Variants in KLHL20 observed in about 807,000 individuals in gnomAD.
KLHL20 encodes kelch-like protein 20.
A neutral mutation model predicts 69.5 loss-of-function variants in KLHL20; 29 were observed. The ratio of observed to expected loss-of-function variants is 0.42; its 90% CI spans 0.31 to 0.57. The LOEUF is 0.57. Ranked by LOEUF, KLHL20 falls within the 20% of genes least tolerant of loss-of-function variation. KLHL20 has a pLI of 0.18. For synonymous variants in KLHL20, 253 were observed against 265.2 expected (o/e 0.95, Z 0.45); for missense variants, 419 against 776.0 (o/e 0.54, Z 5.47).
At chr1:173,716,245 G>A (rs577335045) in intron 2 of KLHL20, among the ~76,000 whole-genome samples, 179 bp downstream of exon 2, 11 of 152,234 alleles carry the variant, frequency 7.2e-5, no homozygotes, top group African/African-American at 2.4e-4. Flanking sequence ...ATAAAATACA[G>A]AAGTTGTTTC....
chr1:173,749,150 T>C (rs1041003034), intron 3 of KLHL20, among the ~76,000 whole-genome samples: 3 of 152,224 alleles, frequency 2.0e-5, no homozygotes, highest in African/African-American at 4.8e-5. Context: ...ATTTTTGAAC[T>C]TAATCAAATC....
At chr1:173,736,661 T>C (rs1672550052) in intron 3 of KLHL20, among the ~76,000 whole-genome samples, 1 of 151,946 alleles carries the variant, frequency 6.6e-6, no homozygotes, top group Admixed American at 6.6e-5. Flanking sequence ...AGTGGCATGA[T>C]CTCGGCTCAC....
At chr1:173,767,267 C>A (rs1381296041) in intron 8 of KLHL20, among the ~76,000 whole-genome samples, 2 of 152,114 alleles carry the variant, frequency 1.3e-5, no homozygotes, top group African/African-American at 2.4e-5. Flanking sequence ...TTCATATATG[C>A]CACATTTTCT....
chr1:173,734,422 C>G (rs1404672010), intron 3 of KLHL20, 136 bp downstream of exon 3: 7 of 793,436 alleles, frequency 8.8e-6, no homozygotes, highest in Non-Finnish European at 1.5e-5. Context: ...TATTATAAAT[C>G]CTAAACCTGG....
At chr1:173,742,732 A>T (rs1672872494) in intron 3 of KLHL20, among the ~76,000 whole-genome samples, 1 of 150,994 alleles carries the variant, frequency 6.6e-6, no homozygotes, top group Non-Finnish European at 1.5e-5. Context: ...ATGTATATAC[A>T]TGTGTGTATA....
At position 173,751,767 on chromosome 1, in the gene KLHL20, A is replaced by G. The variant is rs756649898; in HGVS notation, c.601A>G (p.Met201Val). 1.9e-6 allele frequency: 3 copies of G among 1,613,988 alleles called. No individual in the cohort carries two copies. In the Admixed American group the frequency reaches 5.0e-5, roughly 27 times the overall value. The change falls in exon 4 of 12, where the codon ATG becomes GTG. Residue 201 changes from methionine (M) to valine (V), a missense_variant. Around this residue, in one of 6 missense-constraint regions of KLHL20, gnomAD observed 99 missense variants for 240.7 expected, o/e 0.41. Transcript: ENST00000209884. ...CTTCTTACCTAACTTTGAACAGGTA[A>G]TGGAGAGTGAAGAGTTCATGTTGCT... Reference protein sequence around the residue: ...KFTQHNFQEVMESEEFMLLPA... With the variant: ...KFTQHNFQEVVESEEFMLLPA...
At chr1:173,765,991 CACAA>C (rs1053908180) in intron 7 of KLHL20, among the ~76,000 whole-genome samples, 151 bp from the exon 8 acceptor site, 11 of 151,898 alleles carry the variant, frequency 7.2e-5, no homozygotes, top group African/African-American at 2.4e-4. Flanking sequence ...AAAATAAAAA[CACAA>C]ACCAGATTTT....
intron 2 of KLHL20, among the ~76,000 whole-genome samples, chr1:173,723,256 T>C (rs976615205): frequency 6.6e-6 from 1 of 152,222 alleles, no homozygotes; most frequent in South Asian, 2.1e-4. Context: ...GCATCTACTG[T>C]GTACAAGGCA....
rs58183481 is a variant in KLHL20 at position 173,736,377 on chromosome 1, G to T, written c.597+2091G>T. 5.2e-3 allele frequency among the ~76,000 whole-genome samples: 786 copies of T among 152,168 alleles called. 8 individuals are homozygous for T. The highest frequency in any genetic ancestry group is 0.018 in the African/African-American group (754 of 41,512). On this transcript the variant is annotated intron_variant, in intron 3 of 11. Transcript: ENST00000209884. The stretch of plus-strand genomic sequence containing the variant: ...TTCCGTATTTTTGCAGTTGTGAATT[G>T]TGCTGCTATAAACATGCACATGCAA...
Position 173,785,981 on chromosome 1 carries a change from A to G in KLHL20, c.*734A>G, listed in dbSNP as rs1321955633. 2 of 152,178 alleles carry G rather than the reference A, an allele frequency of 1.3e-5. No individual in the cohort carries two copies. Among genetic ancestry groups the G allele is most frequent in the African/African-American group, 2.4e-5 (1 of 41,436 alleles). The allele number at this position is 152,178 out of a possible 1,614,324, so 9.4% of individuals were successfully genotyped here. Reference sequence around the variant, plus strand: ...GCTCAGTGCCTCTTATAAAAACAATATATAAGTCTCATATGCTGTCTTGAG... The same window carrying G: ...GCTCAGTGCCTCTTATAAAAACAATGTATAAGTCTCATATGCTGTCTTGAG... On this transcript the variant is annotated 3_prime_UTR_variant, in exon 12 of 12. Coordinates refer to ENST00000209884, the MANE Select transcript of KLHL20 (RefSeq NM_014458.4).
intron 3 of KLHL20, among the ~76,000 whole-genome samples, chr1:173,751,509 T>A (rs114025333): frequency 0.034 from 5,142 of 152,254 alleles, 124 homozygotes; most frequent in Non-Finnish European, 0.052. Flanking sequence ...TGAATATAAA[T>A]TTTTATTTTG....
intron 3 of KLHL20, among the ~76,000 whole-genome samples, chr1:173,748,561 T>C (rs1673169935): frequency 6.6e-6 from 1 of 152,158 alleles, no homozygotes; most frequent in Admixed American, 6.5e-5. Context: ...TCTTCATTTC[T>C]TCCCACTGTT....
intron 3 of KLHL20, among the ~76,000 whole-genome samples, chr1:173,748,121 GA>G (rs1352044825): frequency 6.6e-6 from 1 of 151,766 alleles, no homozygotes; most frequent in Non-Finnish European, 1.5e-5. Context: ...AGAAGAAACA[GA>G]AAAACAGAAT....
At chr1:173,745,561 T>C (rs1193409901) in intron 3 of KLHL20, among the ~76,000 whole-genome samples, 1 of 152,232 alleles carries the variant, frequency 6.6e-6, no homozygotes, top group African/African-American at 2.4e-5. Context: ...CATTAATGTA[T>C]ATGAAAGCTG....
chr1:173,716,165 C>T (rs1671462164), intron 2 of KLHL20, 99 bp downstream of exon 2: 1 of 1,105,492 alleles, frequency 9.0e-7, no homozygotes, highest in Non-Finnish European at 1.4e-6. Context: ...CTAAATTCTG[C>T]TTGGAACTAA....
At chr1:173,737,353 A>G (rs1330271478) in intron 3 of KLHL20, among the ~76,000 whole-genome samples, 3 of 152,220 alleles carry the variant, frequency 2.0e-5, no homozygotes, top group Non-Finnish European at 2.9e-5. Context: ...TTATGGTTTC[A>G]TGTCTTAGAT....
At chr1:173,729,695 A>G (rs12083423) in intron 2 of KLHL20, among the ~76,000 whole-genome samples, 11,153 of 152,224 alleles carry the variant, frequency 0.073, 1,327 homozygotes, top group African/African-American at 0.25. Context: ...AAAACTCTCA[A>G]TAAATTAGGT....
In KLHL20 at chr1:173,781,469, C is replaced by T. The variant is rs190202718; in HGVS notation, c.1639-655C>T. Among the ~76,000 whole-genome samples the T allele has an allele frequency of 6.7e-4, 102 of 152,226 alleles. 1 individual carries two copies. Among genetic ancestry groups the T allele is most frequent in the African/African-American group, 2.2e-3 (91 of 41,544 alleles). On this transcript the variant is annotated intron_variant, in intron 10 of 11. Transcript: ENST00000209884. ...TAGCCGGGACTACAGGTATGCCCCACCACACCCAGCTAATTTTTGTATTTT... is the reference window on the plus strand; with the variant it reads ...TAGCCGGGACTACAGGTATGCCCCATCACACCCAGCTAATTTTTGTATTTT...
intron 6 of KLHL20, 80 bp from the exon 7 acceptor site, chr1:173,756,896 G>A: frequency 7.4e-7 from 1 of 1,359,234 alleles, no homozygotes; most frequent in Non-Finnish European, 1.0e-6. Context: ...TAAGCATTAG[G>A]TCACAGTGAA....
Sources: allele counts gnomAD v4.1 joint callset (sites outside exome capture counted in the v4.1 genomes callset), GRCh38; gene constraint gnomAD v4.1.1; regional missense constraint gnomAD v4.1.1; transcripts MANE v1.5; gene names NCBI Gene and HGNC (gene_info 2026-07-23, HGNC 2026-07-21).